Variants in ZNF550 observed in about 807,000 individuals in gnomAD.
ZNF550 encodes the protein zinc finger protein 550.
A neutral mutation model predicts 40.2 loss-of-function variants in ZNF550; 42 were observed. That is an observed-to-expected ratio of 1.05 (90% CI 0.82 to 1.35). The LOEUF (loss-of-function observed/expected upper bound fraction) is 1.35, where lower values mean the gene tolerates loss of function less well. Ranked by LOEUF, ZNF550 falls within the 40% of genes most tolerant of loss-of-function variation. The probability of loss-of-function intolerance (pLI) is 0.00; values close to 1 mark genes in which losing one functional copy is unlikely to be tolerated. For missense variants in ZNF550, 549 were observed against 525.2 expected (o/e 1.05, Z -0.44); for synonymous variants, 223 against 198.6 (o/e 1.12, Z -1.03).
intron 4 of ZNF550, chr19:57,544,621 G>A (rs976341085): frequency 6.1e-6 from 6 of 985,034 alleles, no homozygotes; most frequent in Middle Eastern, 1.0e-3. Flanking sequence ...AACTCACCAA[G>A]AATTCTATTT....
At chr19:57,556,532 T>C (rs748474255) in intron 1 of ZNF550, 175 bp from the exon 2 acceptor site, 2 of 695,472 alleles carry the variant, frequency 2.9e-6, no homozygotes, top group Non-Finnish European at 4.7e-6. Context: ...CTTTTGACAA[T>C]GCAATTGTGC....
At chr19:57,559,352 C>G (rs570625122) in intron 1 of ZNF550, among the ~76,000 whole-genome samples, 1 of 152,254 alleles carries the variant, frequency 6.6e-6, no homozygotes, top group Admixed American at 6.5e-5. Flanking sequence ...GTCGCAGGCC[C>G]GAGAAAGGAC....
At chr19:57,551,529 A>T (rs1201708532) in intron 3 of ZNF550, among the ~76,000 whole-genome samples, 1 of 152,192 alleles carries the variant, frequency 6.6e-6, no homozygotes, top group Non-Finnish European at 1.5e-5. Flanking sequence ...GCTGGGTTTG[A>T]TGAAGGTAGG....
At chr19:57,559,703 G>A (rs1354778232) in exon 1 of ZNF550, 4 of 1,478,086 alleles carry the variant, frequency 2.7e-6, no homozygotes, top group East Asian at 5.2e-5. Flanking sequence ...GCAGGACGAG[G>A]CCGCGTGGGG....
chr19:57,550,255 AT>A (rs1276634760), intron 3 of ZNF550, among the ~76,000 whole-genome samples: 1 of 152,164 alleles, frequency 6.6e-6, no homozygotes, highest in Non-Finnish European at 1.5e-5. Flanking sequence ...CTGGAAAAAT[AT>A]TTGGGGGTTT....
chr19:57,558,235 T>C (rs115762769), intron 1 of ZNF550, among the ~76,000 whole-genome samples: 3,036 of 152,186 alleles, frequency 0.02, 102 homozygotes, highest in African/African-American at 0.069. Context: ...GAACAATGTC[T>C]CAGACAAAGG....
At chr19:57,559,267 G>C (rs1350516443) in intron 1 of ZNF550, among the ~76,000 whole-genome samples, 1 of 152,164 alleles carries the variant, frequency 6.6e-6, no homozygotes, top group Non-Finnish European at 1.5e-5. Context: ...TCAACCCCGG[G>C]GGGGGGAAGA....
chr19:57,555,222 C>T (rs1046383591), intron 2 of ZNF550: 2 of 152,140 alleles, frequency 1.3e-5, no homozygotes, highest in Non-Finnish European at 2.9e-5. Flanking sequence ...CCACTAAGTC[C>T]CAGGAAACCC....
At chr19:57,542,735 G>A (rs1033384734) in exon 5 of ZNF550, 3 of 152,168 alleles carry the variant, frequency 2.0e-5, no homozygotes, top group Non-Finnish European at 2.9e-5. Flanking sequence ...CTTCTATCTC[G>A]GCTTCTGGTA....
intron 3 of ZNF550, among the ~76,000 whole-genome samples, chr19:57,548,488 T>C (rs538925170): frequency 1.3e-4 from 20 of 152,336 alleles, no homozygotes; most frequent in South Asian, 1.0e-3. Context: ...CTCAATATAA[T>C]TGACCATCAA....
rs554375776 is a variant in ZNF550 at position 57,543,772 on chromosome 19, C to T, written c.*519-529G>A. On this transcript the variant is annotated intron_variant, in intron 4 of 4. Transcript: ENST00000457177. ...CCAACATGGTGAAACCCCGTCTCTACTAAAAATACAAAAAAACTAGCCGGG... is the reference window on the plus strand; with the variant it reads ...CCAACATGGTGAAACCCCGTCTCTATTAAAAATACAAAAAAACTAGCCGGG... The T allele has an allele frequency of 2.1e-5, 9 of 423,856 alleles. No homozygotes were observed. The South Asian group carries it at 6.9e-4, about 33-fold the overall frequency. 26.3% of individuals were successfully genotyped at this position (423,856 alleles called of 1,614,324 possible). A position where few individuals can be genotyped will look rare whatever the true frequency, so the allele number is the denominator to read the frequency against.
intron 3 of ZNF550, among the ~76,000 whole-genome samples, chr19:57,549,270 T>C (rs2090051454): frequency 6.6e-6 from 1 of 152,136 alleles, no homozygotes; most frequent in Admixed American, 6.6e-5. Flanking sequence ...TATTAAAATA[T>C]CTTATGTACC....
exon 4 of ZNF550, chr19:57,546,979 G>A (rs1356869205): frequency 2.2e-5 from 36 of 1,609,832 alleles, no homozygotes; most frequent in Admixed American, 3.3e-5. Context: ...GTTCTCTCAT[G>A]TATGGACCCT....
At chr19:57,546,398 A>T in intron 4 of ZNF550, 5 of 787,372 alleles carry the variant, frequency 6.4e-6, no homozygotes, top group Non-Finnish European at 7.7e-6. Context: ...ACATTCCCCT[A>T]CCAAAAAATA....
At position 57,559,642 on chromosome 19, in the gene ZNF550, G is replaced by T; in HGVS notation, c.27+14C>A. On this transcript the variant is annotated intron_variant, in intron 1 of 4. Transcript: ENST00000457177. ...AGGCCGGGTGGCCGCGGGGAGCCGA[G>T]CCAGTCTGCTCACCTGCGCTGCGTC... 1 of 1,486,506 alleles carries T rather than the reference G, an allele frequency of 6.7e-7. No individual in the cohort carries two copies. The highest frequency in any genetic ancestry group is 9.0e-7 in the Non-Finnish European group (1 of 1,112,256). The allele number at this position is 1,486,506 out of a possible 1,614,324, so 92.1% of individuals were successfully genotyped here.
exon 2 of ZNF550, chr19:57,556,274 G>A (rs767784480): frequency 3.1e-6 from 5 of 1,614,014 alleles, no homozygotes; most frequent in Non-Finnish European, 3.4e-6. Context: ...TCACCTCTCG[G>A]TACAGGGTCC....
upstream of ZNF550, among the ~76,000 whole-genome samples, chr19:57,560,092 G>A (rs1405058735): frequency 6.6e-6 from 1 of 152,184 alleles, no homozygotes; most frequent in Non-Finnish European, 1.5e-5. Flanking sequence ...CTACAAGCAG[G>A]CTGTGAGCAC....
At chr19:57,551,878 G>A (rs1669007508) in intron 3 of ZNF550, among the ~76,000 whole-genome samples, 1 of 152,208 alleles carries the variant, frequency 6.6e-6, no homozygotes, top group South Asian at 2.1e-4. Context: ...GGAAGATATG[G>A]AGCAAAGGGC....
exon 5 of ZNF550, chr19:57,542,630 A>G (rs1338442550): frequency 6.6e-6 from 1 of 152,198 alleles, no homozygotes; most frequent in Non-Finnish European, 1.5e-5. Context: ...GGTCTACAAT[A>G]AAACATAATT....
Sources: gnomAD v4.1 joint callset for allele counts (sites outside exome capture counted in the v4.1 genomes callset) on GRCh38, gnomAD v4.1.1 for gene constraint, MANE v1.5 for transcripts, NCBI Gene and HGNC (gene_info 2026-07-23, HGNC 2026-07-21) for gene names.